The following PPHLN1 variants were observed in gnomAD, a reference collection of about 807,000 sequenced individuals.
PPHLN1 encodes periphilin 1.
A neutral mutation model predicts 51.3 loss-of-function variants in PPHLN1; 29 were observed. The observed-to-expected ratio is 0.57, with a 90% confidence interval of 0.42 to 0.77. The LOEUF (loss-of-function observed/expected upper bound fraction) is 0.77. Ranked by LOEUF, PPHLN1 falls within the 30% of genes least tolerant of loss-of-function variation. The pLI is 0.00. For missense variants in PPHLN1, 436 were observed against 438.4 expected, an observed-to-expected ratio of 0.99 and a Z score of 0.05; for synonymous variants, 147 against 147.8, an observed-to-expected ratio of 0.99 and a Z score of 0.04.
At chr12:42,406,776 A>G (rs983214738) in intron 9 of PPHLN1, among the ~76,000 whole-genome samples, 6 of 152,172 alleles carry the variant, frequency 3.9e-5, no homozygotes, top group Middle Eastern at 3.4e-3. Flanking sequence ...ATACTTTTCA[A>G]TCTTTCCTAT....
intron 4 of PPHLN1, among the ~76,000 whole-genome samples, chr12:42,360,813 A>C (rs771761882): frequency 6.6e-6 from 1 of 151,892 alleles, no homozygotes; most frequent in African/African-American, 2.4e-5. Flanking sequence ...TTTTCTTCCT[A>C]TAGGCTGCAC....
chr12:42,388,027 C>T (rs1220024469), intron 7 of PPHLN1, among the ~76,000 whole-genome samples: 1 of 152,184 alleles, frequency 6.6e-6, no homozygotes, highest in African/African-American at 2.4e-5. Context: ...GCCGCAGGGA[C>T]CTCTGCCCTG....
intron 4 of PPHLN1, among the ~76,000 whole-genome samples, chr12:42,365,009 T>C (rs1462547413): frequency 6.6e-6 from 1 of 152,220 alleles, no homozygotes; most frequent in African/African-American, 2.4e-5. Context: ...TAGAATGCTT[T>C]TAACTGTAAA....
At chr12:42,426,230 C>CACACACACA (rs1414627621) in intron 9 of PPHLN1, among the ~76,000 whole-genome samples, 6 of 80,380 alleles carry the variant, frequency 7.5e-5, no homozygotes, top group African/African-American at 2.2e-4. Flanking sequence ...ACACACACAC[C>CACACACACA]CTCATGCATT....
chr12:42,406,260 T>G (rs966046182), intron 9 of PPHLN1, among the ~76,000 whole-genome samples: 2 of 151,732 alleles, frequency 1.3e-5, no homozygotes, highest in African/African-American at 4.8e-5. Flanking sequence ...ATTTTTTGTA[T>G]TTTTAGTAGA....
intron 9 of PPHLN1, among the ~76,000 whole-genome samples, chr12:42,407,483 G>A (rs1159488153): frequency 1.3e-5 from 2 of 152,150 alleles, no homozygotes. Context: ...CATTGGTTTA[G>A]TCTCCAAGTC....
intron 2 of PPHLN1, among the ~76,000 whole-genome samples, chr12:42,337,253 TTTTTTTC>T (rs1405212239): frequency 6.6e-6 from 1 of 152,020 alleles, no homozygotes; most frequent in Non-Finnish European, 1.5e-5. Context: ...GTTCTGTTTT[TTTTTTTC>T]TTTTTTCTTT....
intron 4 of PPHLN1, among the ~76,000 whole-genome samples, chr12:42,356,922 A>G (rs2074106129): frequency 6.6e-6 from 1 of 152,240 alleles, no homozygotes. Context: ...ATTATGCAGA[A>G]AATCTAGGAA....
chr12:42,332,723 T>G, intron 1 of PPHLN1: 1 of 1,377,518 alleles, frequency 7.3e-7, no homozygotes, highest in Non-Finnish European at 1.0e-6. Context: ...TATAGTAGTA[T>G]TTAATATAGT....
intron 9 of PPHLN1, among the ~76,000 whole-genome samples, chr12:42,411,080 C>T (rs569276693): frequency 4.6e-5 from 7 of 151,984 alleles, no homozygotes; most frequent in African/African-American, 1.4e-4. Context: ...TATTTAATAT[C>T]CTCTATTTTC....
At chr12:42,356,085 T>C (rs927911645) in intron 4 of PPHLN1, among the ~76,000 whole-genome samples, 1 of 152,200 alleles carries the variant, frequency 6.6e-6, no homozygotes, top group Non-Finnish European at 1.5e-5. Context: ...TTTTTGTTTT[T>C]AAATGACATC....
chr12:42,418,211 CTTTTTTTTTTTTT>C (rs60029170), intron 9 of PPHLN1, among the ~76,000 whole-genome samples: 49 of 98,358 alleles, frequency 5.0e-4, no homozygotes, highest in African/African-American at 1.9e-3. Context: ...TCCCGGCCCT[CTTTTTTTTTTTTT>C]TTTTTTTTTT....
intron 9 of PPHLN1, among the ~76,000 whole-genome samples, chr12:42,430,148 G>A (rs776396599): frequency 5.9e-5 from 9 of 152,112 alleles, no homozygotes; most frequent in Non-Finnish European, 1.3e-4. Context: ...TCTAAAAGGG[G>A]TGGAGAGGGA....
intron 2 of PPHLN1, among the ~76,000 whole-genome samples, chr12:42,338,032 C>G (rs1423940026): frequency 6.6e-6 from 1 of 152,084 alleles, no homozygotes; most frequent in Non-Finnish European, 1.5e-5. Context: ...GATCCACCCC[C>G]CTCAGCCTCC....
chr12:42,359,243 TTC>T (rs1207630602), intron 4 of PPHLN1: 1 of 152,170 alleles, frequency 6.6e-6, no homozygotes, highest in African/African-American at 2.4e-5. Context: ...ACAAGGTATA[TTC>T]TCTGTTTTCA....
In PPHLN1 at chr12:42,351,910, T is replaced by A. The variant is rs368671081; in HGVS notation, c.98T>A (p.Ile33Asn). The A allele has an allele frequency of 1.3e-6, 2 of 1,579,896 alleles. No individual in the cohort carries two copies. Among genetic ancestry groups the A allele is most frequent in the Admixed American group, 2.0e-5 (1 of 51,138 alleles). Reference sequence around the variant, plus strand: ...GATGGCTACAATAGACTAGTTAATATTGTGCCAAAGAAACCACCACTGCTA... The same window carrying A: ...GATGGCTACAATAGACTAGTTAATAATGTGCCAAAGAAACCACCACTGCTA... ...PSDGYNRLVN[I>N]VPKKPPLLDR... Residue 33 changes from isoleucine to asparagine, a missense_variant, in exon 3 of 10, where the codon ATT becomes AAT. Ile to Asn is a moderately radical substitution (Grantham distance 149, BLOSUM62 -3). Transcript: ENST00000358314.
intron 1 of PPHLN1, among the ~76,000 whole-genome samples, 193 bp from the exon 2 acceptor site, chr12:42,335,690 T>G (rs1226316473): frequency 6.7e-6 from 1 of 149,798 alleles, no homozygotes; most frequent in Non-Finnish European, 1.5e-5. Context: ...TTTCCGTGTT[T>G]TTTTTTTTTT....
At chr12:42,411,245 A>AAT (rs1293889782) in intron 9 of PPHLN1, among the ~76,000 whole-genome samples, 5 of 151,626 alleles carry the variant, frequency 3.3e-5, no homozygotes, top group East Asian at 3.9e-4. Context: ...TTGAGTATAT[A>AAT]ATATATATAT....
intron 3 of PPHLN1, among the ~76,000 whole-genome samples, chr12:42,352,559 G>A (rs927319529): frequency 6.6e-6 from 1 of 151,542 alleles, no homozygotes; most frequent in Non-Finnish European, 1.5e-5. Context: ...ACAGGCACGT[G>A]CCACCGTGCC....
Sources: allele counts gnomAD v4.1 joint callset (sites outside exome capture counted in the v4.1 genomes callset), GRCh38; gene constraint gnomAD v4.1.1; transcripts MANE v1.5; gene names NCBI Gene and HGNC (gene_info 2026-07-23, HGNC 2026-07-21).